The following RPH3AL variants were observed in gnomAD, a reference collection of about 807,000 sequenced individuals.
RPH3AL encodes the protein rabphilin 3A like (without C2 domains), also known as rab effector Noc2.
A neutral mutation model predicts 43.1 loss-of-function variants in RPH3AL; 38 were observed. The observed-to-expected ratio is 0.88, with a 90% CI of 0.68 to 1.15. RPH3AL has a LOEUF of 1.15. Among genes scored for constraint, RPH3AL ranks in the 50% most tolerant of loss-of-function variants. The pLI, the probability that RPH3AL is intolerant of heterozygous loss-of-function variation, is 0.00. For missense variants in RPH3AL, 462 were observed against 423.2 expected (o/e 1.09, Z -0.81); for synonymous variants, 189 against 176.3 (o/e 1.07, Z -0.57).
rs200439017 is a variant in RPH3AL at position 319,547 on chromosome 17, C to T, written c.224G>A (p.Arg75Gln). The change falls in exon 5 of 10, where the codon CGG becomes CAG. Residue 75 changes from arginine (R) to glutamine (Q), a missense_variant and splice_region_variant. By Grantham distance (43) the Arg-to-Gln change is conservative. Transcript: ENST00000331302. ...LDVLEQQRIG[R>Q]LVERLETMRR... ...CATGGTCTCCAGCCGCTCCACCAGC[C>T]GCCTGCAGCACAGGACACAGAGTCA... The T allele has an allele frequency of 3.2e-5, 51 of 1,610,832 alleles. No homozygotes were observed. The highest frequency in any genetic ancestry group is 2.0e-4 in the East Asian group (9 of 44,816).
chr17:229,065 T>A (rs1289855036), intron 7 of RPH3AL, among the ~76,000 whole-genome samples: 1 of 152,208 alleles, frequency 6.6e-6, no homozygotes, highest in Admixed American at 6.5e-5. Flanking sequence ...TACATATTTT[T>A]AAAAAATTAG....
Position 213,435 on chromosome 17 carries a change from G to A in RPH3AL, c.*417C>T, listed in dbSNP as rs961196239. ...GATGCTCACCTCTAAGGGGCCACAC[G>A]CAGCTTCGGAGGCCGTGCCCTAGGT... On this transcript the variant is annotated 3_prime_UTR_variant, in exon 10 of 10. Coordinates refer to ENST00000331302, the MANE Select transcript of RPH3AL (RefSeq NM_006987.4). 4 of 265,160 alleles carry A rather than the reference G, an allele frequency of 1.5e-5. No homozygotes were observed. The highest frequency in any genetic ancestry group is 3.8e-5 in the South Asian group (1 of 26,452). The allele number at this position is 265,160 out of a possible 1,614,324, so 16.4% of individuals were successfully genotyped here.
intron 7 of RPH3AL, among the ~76,000 whole-genome samples, chr17:222,718 C>T (rs996607436): frequency 3.9e-5 from 6 of 152,196 alleles, no homozygotes; most frequent in South Asian, 4.1e-4. Context: ...AAACTGCACC[C>T]GTATTGCATT....
intron 2 of RPH3AL, chr17:331,322 G>T: frequency 3.2e-6 from 1 of 313,966 alleles, no homozygotes; most frequent in South Asian, 2.6e-5. Context: ...CAAGGGAGAC[G>T]GAAGGATGTC....
chr17:328,080 C>T lies in RPH3AL; in HGVS notation c.-36-501G>A, dbSNP rs1389877529. On this transcript the variant is annotated intron_variant, in intron 2 of 9. Coordinates refer to ENST00000331302, the MANE Select transcript of RPH3AL (RefSeq NM_006987.4). This position sits in a 1 kb window ranked among gnomAD's most constrained non-coding sequence, Gnocchi z 4.2. ...CAGACTCACACCGATGATCACAATG[C>T]CCTCGAGGGCAGGCAAGAGGGCAGG... Among the ~76,000 whole-genome samples, 1 of 152,104 alleles carries T rather than the reference C, an allele frequency of 6.6e-6. No individual in the cohort carries two copies. The highest frequency in any genetic ancestry group is 1.5e-5 in the Non-Finnish European group (1 of 68,012).
intron 6 of RPH3AL, among the ~76,000 whole-genome samples, chr17:279,798 G>T (rs1191364378): frequency 2.0e-5 from 3 of 152,202 alleles, no homozygotes; most frequent in Non-Finnish European, 4.4e-5. Context: ...CTGAAGATTA[G>T]AAGGACCTCA....
chr17:314,982 G>A (rs1555518908), intron 5 of RPH3AL, among the ~76,000 whole-genome samples: 1 of 8,604 alleles, frequency 1.2e-4, no homozygotes. Context: ...TAGTCCCTGT[G>A]CCCCACCTCC....
intron 3 of RPH3AL, among the ~76,000 whole-genome samples, chr17:321,917 C>CT (rs763809983): frequency 3.9e-5 from 6 of 152,176 alleles, no homozygotes; most frequent in Non-Finnish European, 5.9e-5. Context: ...CGAGAGGTGT[C>CT]AAGGGAGGAG....
chr17:335,741 A>ACTCCC (rs2044936167), intron 1 of RPH3AL: 2 of 151,498 alleles, frequency 1.3e-5, no homozygotes, highest in Admixed American at 6.6e-5. Flanking sequence ...AGCAAAACCC[A>ACTCCC]CTCCCCTCCC....
At chr17:217,317 C>A (rs1287544018) in intron 8 of RPH3AL, among the ~76,000 whole-genome samples, 1 of 105,220 alleles carries the variant, frequency 9.5e-6, no homozygotes, top group African/African-American at 2.7e-5. Flanking sequence ...TCATTCCCAT[C>A]TGGGGCAGTT....
At chr17:337,454 C>T (rs2044989594) in intron 1 of RPH3AL, among the ~76,000 whole-genome samples, 1 of 152,172 alleles carries the variant, frequency 6.6e-6, no homozygotes, top group South Asian at 2.1e-4. Context: ...CTCAGCCTCG[C>T]TGGCCTCCTT....
intron 6 of RPH3AL, among the ~76,000 whole-genome samples, chr17:256,143 A>G (rs369540984): frequency 0.018 from 29 of 1,578 alleles, no homozygotes; most frequent in African/African-American, 0.058. Flanking sequence ...GTCCTTTTCC[A>G]TCCCTAGGAA....
intron 6 of RPH3AL, among the ~76,000 whole-genome samples, chr17:270,618 G>A (rs1337409477): frequency 2.6e-5 from 4 of 152,144 alleles, no homozygotes; most frequent in African/African-American, 7.2e-5. Context: ...GGGCAGCAGA[G>A]GCAGGAGGAT....
intron 5 of RPH3AL, among the ~76,000 whole-genome samples, chr17:314,770 T>C (rs2043852504): frequency 6.8e-6 from 1 of 146,826 alleles, no homozygotes; most frequent in African/African-American, 2.6e-5. Context: ...GTAGTCTCTG[T>C]GACCCCACCT....
intron 6 of RPH3AL, among the ~76,000 whole-genome samples, chr17:257,784 T>A (rs2042091693): frequency 5.3e-5 from 2 of 37,948 alleles, no homozygotes; most frequent in Non-Finnish European, 1.2e-4. Context: ...ACGTACTTCC[T>A]ATGAGGGGAG....
At chr17:315,403 C>A (rs1251917061) in intron 5 of RPH3AL, among the ~76,000 whole-genome samples, 24 of 150,618 alleles carry the variant, frequency 1.6e-4, no homozygotes, top group African/African-American at 5.0e-4. Flanking sequence ...GACCTGTAGT[C>A]CCTGTGCCCC....
intron 5 of RPH3AL, among the ~76,000 whole-genome samples, chr17:306,229 C>A (rs1473912359): frequency 2.0e-5 from 3 of 151,478 alleles, no homozygotes; most frequent in African/African-American, 7.3e-5. Flanking sequence ...ACCCAGCCCC[C>A]CTGGAACCCC....
At chr17:252,758 T>A (rs73971672) in intron 6 of RPH3AL, among the ~76,000 whole-genome samples, 1 of 152,190 alleles carries the variant, frequency 6.6e-6, no homozygotes. Flanking sequence ...GGGACAGAAG[T>A]GCTTCAGATT....
At chr17:317,882 G>A (rs897059288) in intron 5 of RPH3AL, among the ~76,000 whole-genome samples, 11 of 151,640 alleles carry the variant, frequency 7.3e-5, no homozygotes, top group Middle Eastern at 3.4e-3. Context: ...CATCTTTCCC[G>A]GTTCTCTCAA....
Sources: allele counts gnomAD v4.1 joint callset (sites outside exome capture counted in the v4.1 genomes callset), GRCh38; gene constraint gnomAD v4.1.1; non-coding constraint Gnocchi (gnomAD v3.1); transcripts MANE v1.5; gene names NCBI Gene and HGNC (gene_info 2026-07-23, HGNC 2026-07-21).